The following NCOR1 variants were observed in gnomAD, a reference collection of about 807,000 sequenced individuals.
NCOR1 encodes protein phosphatase 1, regulatory subunit 109.
Under a neutral mutation model 288.1 loss-of-function variants are expected in NCOR1, and 63 were observed. The observed-to-expected ratio is 0.22, with a 90% CI of 0.18 to 0.27. The LOEUF (loss-of-function observed/expected upper bound fraction) is 0.27, where lower values mean the gene tolerates loss of function less well. Among genes scored for constraint, NCOR1 ranks in the 10% least tolerant of loss-of-function variants. The pLI is 1.00. For synonymous variants in NCOR1, 1,007 were observed against 1,065.9 expected (o/e 0.94, Z 1.08); for missense variants, 2,397 against 3,019.2 (o/e 0.79, Z 4.83).
chr17:16,129,391 C>T (rs2075263657), intron 14 of NCOR1, among the ~76,000 whole-genome samples: 1 of 152,242 alleles, frequency 6.6e-6, no homozygotes, highest in South Asian at 2.1e-4. Context: ...ATTCTACTTG[C>T]TAAAGCATTT....
At chr17:16,075,735 G>A (rs1567858997) in intron 26 of NCOR1, 33 bp from the exon 27 acceptor site, 2 of 1,610,858 alleles carry the variant, frequency 1.2e-6, no homozygotes, top group African/African-American at 1.3e-5. Flanking sequence ...TAGCAGAGGA[G>A]TCACTCGAGT....
At chr17:16,170,578 T>TA (rs1323466323) in intron 4 of NCOR1, among the ~76,000 whole-genome samples, 1 of 152,124 alleles carries the variant, frequency 6.6e-6, no homozygotes, top group African/African-American at 2.4e-5. Flanking sequence ...CTCATGCCTG[T>TA]AATCCCAGCA....
At position 16,186,629 on chromosome 17, in the gene NCOR1, A is replaced by C. The variant is rs2086725617; in HGVS notation, c.167T>G (p.Leu56Arg). ...SHLEVSQASQ[L>R]LQQQQQQQLR... ...CTGTTGCTGCTGCTGTTGCTGCAAA[A>C]GCTGTGATGCCTGACTCACTTCAAG... is the stretch of plus-strand genomic sequence containing the variant. Residue 56 changes from leucine (L) to arginine (R), a missense_variant, in exon 3 of 46, where the codon CTT becomes CGT. By Grantham distance (102) the Leu-to-Arg change is moderately radical. This residue lies in a region of NCOR1 where 55 missense variants were observed against 69.6 expected (regional missense o/e 0.79). Transcript: ENST00000268712. 1 of 1,614,022 alleles carries C rather than the reference A, an allele frequency of 6.2e-7. No individual in the cohort carries two copies. Among genetic ancestry groups the C allele is most frequent in the Admixed American group, 1.7e-5 (1 of 60,008 alleles).
chr17:16,098,598 C>T, intron 20 of NCOR1, 102 bp from the exon 21 acceptor site: 2 of 837,450 alleles, frequency 2.4e-6, no homozygotes, highest in Non-Finnish European at 3.7e-6. Flanking sequence ...TACACATGCA[C>T]ACATGGACAC....
At chr17:16,104,927 G>A (rs2068310455) in intron 19 of NCOR1, among the ~76,000 whole-genome samples, 1 of 152,130 alleles carries the variant, frequency 6.6e-6, no homozygotes, top group Admixed American at 6.6e-5. Flanking sequence ...GGCACATGGT[G>A]GGGAAGAGCA....
chr17:16,132,684 T>G (rs2075818401), intron 14 of NCOR1, among the ~76,000 whole-genome samples: 1 of 152,158 alleles, frequency 6.6e-6, no homozygotes, highest in South Asian at 2.1e-4. Context: ...CCTATGAGTC[T>G]AAGATTAAAA....
intron 1 of NCOR1, among the ~76,000 whole-genome samples, chr17:16,211,465 T>G (rs2092122957): frequency 6.6e-6 from 1 of 152,048 alleles, no homozygotes; most frequent in Admixed American, 6.6e-5. Flanking sequence ...ACTCCTGGCC[T>G]CAAGTGGTCC....
rs2061754349 is a variant in NCOR1, at chr17:16,071,442, G to A, written c.4119C>T (p.Ser1373=). The A allele has an allele frequency of 6.2e-7, 1 of 1,614,128 alleles. No individual in the cohort carries two copies. The highest frequency in any genetic ancestry group is 8.5e-7 in the Non-Finnish European group (1 of 1,180,010). The part of the protein sequence containing the change: ...ESRKTPEVVQ[S]TRPIIEGSIS... ...TGGAACCCTCAATTATCGGCCGTGTGCTCTGGACCACTTCTGGAGTTTTCC... is the reference window on the plus strand; with the variant it reads ...TGGAACCCTCAATTATCGGCCGTGTACTCTGGACCACTTCTGGAGTTTTCC... Residue 1373 remains serine (S), a synonymous_variant, in exon 30 of 46, where the codon AGC becomes AGT. Transcript: ENST00000268712.
intron 42 of NCOR1, among the ~76,000 whole-genome samples, chr17:16,043,135 AAAGGAAAGTGGT>A (rs2058046983): frequency 6.6e-6 from 1 of 152,218 alleles, no homozygotes; most frequent in Non-Finnish European, 1.5e-5. Context: ...GCATTTCAGG[AAAGGAAAGTGGT>A]TCACTGTGTC....
chr17:16,048,241 G>C (rs2058897243), intron 41 of NCOR1, among the ~76,000 whole-genome samples: 1 of 152,186 alleles, frequency 6.6e-6, no homozygotes, highest in South Asian at 2.1e-4. Context: ...ACATGATTTG[G>C]ACAGAGATTC....
At chr17:16,196,477 CTGGGCAATGAAGCCAGACCTA>C (rs1281952358) in intron 1 of NCOR1, among the ~76,000 whole-genome samples, 2 of 152,092 alleles carry the variant, frequency 1.3e-5, no homozygotes, top group Admixed American at 1.3e-4. Flanking sequence ...CAAGACCAGT[CTGGGCAATGAAGCCAGACCTA>C]TGTCTACAAG....
rs57657227 is a variant in NCOR1 at position 16,179,257 on chromosome 17, T to C, written c.243-7262A>G. On this transcript the variant is annotated intron_variant, in intron 3 of 45. Transcript: ENST00000268712. ...ATATTTCAAAATAACTTAGAATTCATATAAATAAAATAAAAATGAAAACGA... is the reference window on the plus strand; with the variant it reads ...ATATTTCAAAATAACTTAGAATTCACATAAATAAAATAAAAATGAAAACGA... Among the ~76,000 whole-genome samples the C allele has an allele frequency of 9.2e-3, 1,395 of 152,116 alleles. 27 individuals carry two copies. Among genetic ancestry groups the C allele is most frequent in the African/African-American group, 0.032 (1,330 of 41,516 alleles).
intron 9 of NCOR1, among the ~76,000 whole-genome samples, chr17:16,148,152 A>G (rs910426703): frequency 2.0e-5 from 3 of 152,174 alleles, no homozygotes; most frequent in African/African-American, 7.2e-5. Context: ...AAACCCAAAC[A>G]TTATGCAACC....
In NCOR1 at chr17:16,143,708, G is replaced by A. The variant is rs776717464; in HGVS notation, c.1083-12C>T. On this transcript the variant is annotated splice_polypyrimidine_tract_variant and intron_variant, in intron 10 of 45. Coordinates refer to ENST00000268712, the MANE Select transcript of NCOR1 (RefSeq NM_006311.4). The stretch of plus-strand genomic sequence containing the variant: ...CCCTCTGCCCAACTCTAAACATGAG[G>A]GAGAAATTAAAAATATATTTAAAGA... 14 of 1,589,296 alleles carry A rather than the reference G, an allele frequency of 8.8e-6. No individual in the cohort carries two copies. Among genetic ancestry groups the A allele is most frequent in the Admixed American group, 1.7e-5 (1 of 58,616 alleles).
At chr17:16,187,726 G>A (rs1035990375) in intron 2 of NCOR1, among the ~76,000 whole-genome samples, 5 of 151,832 alleles carry the variant, frequency 3.3e-5, no homozygotes, top group South Asian at 4.1e-4. Flanking sequence ...GCAACATAGT[G>A]AGACTTCATC....
At chr17:16,167,190 A>AT (rs2082183107) in intron 4 of NCOR1, among the ~76,000 whole-genome samples, 1 of 152,350 alleles carries the variant, frequency 6.6e-6, no homozygotes, top group East Asian at 1.9e-4. Context: ...TTACAAATGA[A>AT]TATTTTCCAC....
At chr17:16,087,096 C>A in intron 22 of NCOR1, 1 of 1,085,668 alleles carries the variant, frequency 9.2e-7, no homozygotes, top group South Asian at 1.4e-5. Context: ...GCAGTTCATT[C>A]ACGAGATTAA....
chr17:16,155,370 TACAC>T (rs1310916507), intron 6 of NCOR1, among the ~76,000 whole-genome samples: 1 of 113,216 alleles, frequency 8.8e-6, no homozygotes, highest in Non-Finnish European at 1.9e-5. Context: ...AAAAAAAAAA[TACAC>T]ACACACACAC....
intron 23 of NCOR1, among the ~76,000 whole-genome samples, chr17:16,083,134 G>A (rs1433157138): frequency 6.6e-6 from 1 of 152,050 alleles, no homozygotes; most frequent in African/African-American, 2.4e-5. Context: ...TTGGGAGGCT[G>A]AGGCTGGAGA....
Sources: gnomAD v4.1 joint callset for allele counts (sites outside exome capture counted in the v4.1 genomes callset) on GRCh38, gnomAD v4.1.1 for gene constraint, gnomAD v4.1.1 regional missense constraint, MANE v1.5 for transcripts, NCBI Gene and HGNC (gene_info 2026-07-23, HGNC 2026-07-21) for gene names.